Variants in AGBL3 observed in about 807,000 individuals in gnomAD.
AGBL3 encodes the protein cytosolic carboxypeptidase 3.
Under a neutral mutation model 94.5 loss-of-function variants are expected in AGBL3, and 68 were observed. The observed-to-expected ratio is 0.72, with a 90% CI of 0.59 to 0.88. The LOEUF is 0.88. Ranked by LOEUF, AGBL3 falls within the 40% of genes least tolerant of loss-of-function variation. The pLI, the probability that AGBL3 is intolerant of heterozygous loss-of-function variation, is 0.00. For missense variants in AGBL3, 934 were observed against 1,103.8 expected, an observed-to-expected ratio of 0.85 and a Z score of 2.18; for synonymous variants, 354 against 370.7, an observed-to-expected ratio of 0.95 and a Z score of 0.52.
chr7:135,107,106 C>A (rs1824841098), intron 15 of AGBL3, among the ~76,000 whole-genome samples: 3 of 151,796 alleles, frequency 2.0e-5, no homozygotes, highest in African/African-American at 7.3e-5. Flanking sequence ...CTCTTTTCTT[C>A]TTTATTAGTC....
intron 14 of AGBL3, among the ~76,000 whole-genome samples, chr7:135,080,676 T>C (rs372802792): frequency 6.6e-6 from 1 of 151,798 alleles, no homozygotes; most frequent in Admixed American, 6.6e-5. Flanking sequence ...ATTCATAGAC[T>C]GTTCATTGGC....
At chr7:135,124,220 C>CAA (rs369396148) in intron 16 of AGBL3, among the ~76,000 whole-genome samples, 12,600 of 138,124 alleles carry the variant, frequency 0.091, 591 homozygotes, top group East Asian at 0.21. Flanking sequence ...AAATGGAAAG[C>CAA]AAAAAAAAAA....
chr7:135,129,121 CAG>C (rs1828364431), intron 16 of AGBL3: 15 of 1,547,382 alleles, frequency 9.7e-6, no homozygotes, highest in Non-Finnish European at 1.3e-5. Flanking sequence ...CTAGTGGAAG[CAG>C]AGTTATTTGC....
rs140091222 is a variant in AGBL3, at chr7:135,095,130, G to A, written c.2110+13340G>A. Among the ~76,000 whole-genome samples, 379 of 152,280 alleles carry A rather than the reference G, an allele frequency of 2.5e-3. 2 individuals are homozygous for A. The highest frequency in any genetic ancestry group is 8.6e-3 in the African/African-American group (359 of 41,550). On this transcript the variant is annotated intron_variant, in intron 15 of 16. Coordinates refer to ENST00000436302, the MANE Select transcript of AGBL3 (RefSeq NM_178563.4). The stretch of plus-strand genomic sequence containing the variant: ...ACCAGAACCTTATCCTATTTTCGGG[G>A]AGGGATATTTCTGCAACTCCAGCCT...
chr7:135,034,144 A>G lies in AGBL3; in HGVS notation c.558-5A>G, dbSNP rs1265223296. Reference sequence around the variant, plus strand: ...GCTTTTTTCCCTTTCTTTCTTGTGTATTAGGGCAGAATACGAATACCAATT... The same window carrying G: ...GCTTTTTTCCCTTTCTTTCTTGTGTGTTAGGGCAGAATACGAATACCAATT... On this transcript the variant is annotated splice_region_variant and splice_polypyrimidine_tract_variant and intron_variant, in intron 6 of 16. Transcript: ENST00000436302. 1.3e-6 allele frequency: 2 copies of G among 1,516,268 alleles called. No individual in the cohort carries two copies. The highest frequency in any genetic ancestry group is 2.1e-5 in the Admixed American group (1 of 47,106). The allele number at this position is 1,516,268 out of a possible 1,614,324, so 93.9% of individuals were successfully genotyped here. A position where few individuals can be genotyped will look rare whatever the true frequency, so the allele number is the denominator to read the frequency against.
chr7:135,088,312 A>G (rs1821495788), intron 15 of AGBL3, among the ~76,000 whole-genome samples: 1 of 152,060 alleles, frequency 6.6e-6, no homozygotes, highest in African/African-American at 2.4e-5. Flanking sequence ...TAAGGTTTTT[A>G]TTAATAGGTG....
At chr7:135,106,769 AAT>A (rs1175563631) in intron 15 of AGBL3, among the ~76,000 whole-genome samples, 1 of 152,152 alleles carries the variant, frequency 6.6e-6, no homozygotes, top group Non-Finnish European at 1.5e-5. Flanking sequence ...AGCTTTTTGA[AAT>A]AGTTTCAGTA....
chr7:134,994,971 C>CT (rs752004092), intron 4 of AGBL3, among the ~76,000 whole-genome samples: 2 of 152,172 alleles, frequency 1.3e-5, no homozygotes, highest in Non-Finnish European at 2.9e-5. Flanking sequence ...CACCTCTCCT[C>CT]TGCTACCACC....
At chr7:135,108,319 C>T (rs1318986881) in intron 15 of AGBL3, among the ~76,000 whole-genome samples, 2 of 151,074 alleles carry the variant, frequency 1.3e-5, no homozygotes, top group African/African-American at 2.4e-5. Flanking sequence ...CACTGGTCTA[C>T]GTACTTAAGT....
chr7:135,095,670 G>A (rs1380798823), intron 15 of AGBL3, among the ~76,000 whole-genome samples: 11 of 152,116 alleles, frequency 7.2e-5, no homozygotes, highest in Admixed American at 7.2e-4. Flanking sequence ...ACTGTTTTTT[G>A]TGCTAATTGG....
chr7:135,034,455 C>A lies in AGBL3; in HGVS notation c.864C>A (p.His288Gln), dbSNP rs1485881654. The change falls in exon 7 of 17, where the codon CAC becomes CAA. Residue 288 changes from histidine (H) to glutamine (Q), a missense_variant. Transcript: ENST00000436302. ...TTACATGGACATTTCAATTTCCACA[C>A]AACAAAGATACCTGCTACTTTGCTC... Reference protein sequence around the residue: ...FSLTWTFQFPHNKDTCYFAHC... With the variant: ...FSLTWTFQFPQNKDTCYFAHC... 2 of 1,551,814 alleles carry A rather than the reference C, an allele frequency of 1.3e-6. No individual in the cohort carries two copies. Among genetic ancestry groups the A allele is most frequent in the Admixed American group, 3.9e-5 (2 of 51,006 alleles).
intron 12 of AGBL3, 30 bp downstream of exon 12, chr7:135,059,265 G>A (rs897883251): frequency 1.3e-6 from 2 of 1,508,264 alleles, no homozygotes; most frequent in Non-Finnish European, 1.8e-6. Context: ...CTTATATGTG[G>A]ATATGCTGTG....
intron 11 of AGBL3, among the ~76,000 whole-genome samples, chr7:135,047,418 G>A (rs1817469625): frequency 6.6e-6 from 1 of 152,014 alleles, no homozygotes; most frequent in South Asian, 2.1e-4. Flanking sequence ...TGGATCATAT[G>A]GCAGTTCTGT....
At chr7:135,040,579 G>GA (rs34961381) in intron 8 of AGBL3, among the ~76,000 whole-genome samples, 65 of 146,912 alleles carry the variant, frequency 4.4e-4, no homozygotes, top group African/African-American at 4.3e-4. Context: ...ATCTTGTTAT[G>GA]AAAAAAAAAA....
intron 4 of AGBL3, among the ~76,000 whole-genome samples, chr7:135,007,017 A>G (rs1812472072): frequency 6.6e-6 from 1 of 151,948 alleles, no homozygotes; most frequent in African/African-American, 2.4e-5. Context: ...TATAACAAGT[A>G]AAGAGATTTA....
intron 15 of AGBL3, chr7:135,093,495 C>T (rs918067292): frequency 6.6e-6 from 1 of 152,022 alleles, no homozygotes; most frequent in Non-Finnish European, 1.5e-5. Context: ...ATTAAGAAAA[C>T]AATTCCATTT....
intron 13 of AGBL3, among the ~76,000 whole-genome samples, chr7:135,078,318 G>A (rs1820642417): frequency 6.6e-6 from 1 of 152,152 alleles, no homozygotes; most frequent in Non-Finnish European, 1.5e-5. Flanking sequence ...GTACTGCAGG[G>A]AGCAGAGATG....
rs974794414 is a variant in AGBL3, at chr7:135,034,630, A to G, written c.1039A>G (p.Lys347Glu). 1.4e-5 allele frequency: 21 copies of G among 1,551,642 alleles called. No individual in the cohort carries two copies. Among genetic ancestry groups the G allele is most frequent in the Admixed American group, 2.0e-5 (1 of 51,006 alleles). Reference protein sequence around the residue: ...VYILTITTPLKNSDSRKRKAV... With the variant: ...VYILTITTPLENSDSRKRKAV... ...TATTTTAACAATCACTACCCCCTTG[A>G]AGAACTCTGACTCAAGAAAGCGGAA... The change falls in exon 7 of 17, where the codon AAG (lysine) becomes GAG (glutamate). Residue 347 changes from lysine to glutamate, a missense_variant. Transcript: ENST00000436302.
intron 15 of AGBL3, among the ~76,000 whole-genome samples, chr7:135,103,016 C>A (rs1481906864): frequency 6.6e-6 from 1 of 152,026 alleles, no homozygotes; most frequent in Non-Finnish European, 1.5e-5. Context: ...AATGTACAAC[C>A]AATAAAGGCC....
Sources: gnomAD v4.1 joint callset for allele counts (sites outside exome capture counted in the v4.1 genomes callset) on GRCh38, gnomAD v4.1.1 for gene constraint, MANE v1.5 for transcripts, NCBI Gene and HGNC (gene_info 2026-07-23, HGNC 2026-07-21) for gene names.